The following NAT9 variants were observed in gnomAD, a reference collection of about 807,000 sequenced individuals.
NAT9 encodes alpha/beta-tubulin-N-acetyltransferase 9.
NAT9 carries 18 observed loss-of-function variants against 24.0 expected under a neutral mutation model. The ratio of observed to expected loss-of-function variants is 0.75; its 90% CI spans 0.52 to 1.11. The LOEUF is 1.11. Ranked by LOEUF, NAT9 falls within the 50% of genes most tolerant of loss-of-function variation. NAT9 has a pLI of 0.00. For synonymous variants in NAT9, 104 were observed against 102.3 expected, an observed-to-expected ratio of 1.02 and a Z score of -0.10; for missense variants, 254 against 258.6, an observed-to-expected ratio of 0.98 and a Z score of 0.12.
At position 74,775,663 on chromosome 17, in the gene NAT9, C is replaced by A. The variant is rs545925295; in HGVS notation, c.36G>T (p.Lys12Asn). The stretch of plus-strand genomic sequence containing the variant: ...AGGTGTAGGGTACAAGGACCACCTT[C>A]TTCCCCAGCAGCAAGGTGTTCTGAT... ...RLNQNTLLLG[K>N]KVVLVPYTSE... is the part of the protein sequence containing the mutation. Residue 12 changes from lysine to asparagine, a missense_variant, in exon 2 of 7, where the codon AAG (lysine) becomes AAT (asparagine). Transcript: ENST00000357814. 8.7e-6 allele frequency: 14 copies of A among 1,614,142 alleles called. No individual in the cohort carries two copies. The South Asian group carries it at 8.8e-5, about 10-fold the overall frequency.
intron 1 of NAT9, 83 bp from the exon 2 acceptor site, chr17:74,775,790 G>T (rs2035973336): frequency 1.8e-6 from 2 of 1,113,354 alleles, no homozygotes; most frequent in Non-Finnish European, 1.3e-6. Context: ...TTCCTGCTGG[G>T]GCTAAGTTGA....
At chr17:74,775,524 C>T in intron 2 of NAT9, 98 bp downstream of exon 2, 1 of 1,048,784 alleles carries the variant, frequency 9.5e-7, no homozygotes, top group Non-Finnish European at 1.4e-6. Context: ...TTTCTCACAA[C>T]CAATGTTTCT....
intron 1 of NAT9, chr17:74,775,927 G>C: frequency 2.2e-6 from 1 of 455,300 alleles, no homozygotes; most frequent in Middle Eastern, 5.7e-4. Context: ...GGCCAAGCCT[G>C]GGCTCCGTTT....
At chr17:74,773,277 C>T in intron 3 of NAT9, 1 of 599,812 alleles carries the variant, frequency 1.7e-6, no homozygotes, top group South Asian at 2.0e-5. Context: ...GGAGGGCAGT[C>T]ACCACACTAG....
intron 3 of NAT9, 179 bp from the exon 4 acceptor site, chr17:74,773,218 A>T: frequency 1.3e-6 from 1 of 783,562 alleles, no homozygotes. Flanking sequence ...TCATACAGAA[A>T]AAGCCTCTCC....
intron 3 of NAT9, 90 bp from the exon 4 acceptor site, chr17:74,773,129 C>A: frequency 6.9e-7 from 1 of 1,446,536 alleles, no homozygotes; most frequent in South Asian, 1.3e-5. Context: ...CACTGCAGAA[C>A]ACCAGCATCT....
intron 4 of NAT9, chr17:74,772,652 C>G (rs200546802): frequency 8.1e-7 from 1 of 1,235,924 alleles, no homozygotes; most frequent in East Asian, 2.7e-5. Context: ...ACTAACCATA[C>G]TTGAATCTAC....
At position 74,772,212 on chromosome 17, in the gene NAT9, T is replaced by C. The variant is rs904946009; in HGVS notation, c.394+6A>G. The C allele has an allele frequency of 3.1e-6, 5 of 1,614,100 alleles. No homozygotes were observed. Among genetic ancestry groups the C allele is most frequent in the Middle Eastern group, 1.6e-4 (1 of 6,084 alleles). On this transcript the variant is annotated splice_donor_region_variant and intron_variant, in intron 5 of 6. Coordinates refer to ENST00000357814, the MANE Select transcript of NAT9 (RefSeq NM_015654.5). The stretch of plus-strand genomic sequence containing the variant: ...CTTCCCGCATTGTCTGCTCACACTT[T>C]CTTACCGTAAGACAGCATCGCGAGA...
At position 74,775,899 on chromosome 17, in the gene NAT9, T is replaced by C. The variant is rs2035993396; in HGVS notation, c.-9-192A>G. The C allele has an allele frequency of 2.0e-5, 10 of 507,956 alleles. No individual in the cohort carries two copies. The South Asian group carries it at 2.9e-4, about 15-fold the overall frequency. The allele number at this position is 507,956 out of a possible 1,614,324, so 31.5% of individuals were successfully genotyped here. On this transcript the variant is annotated intron_variant, in intron 1 of 6. Transcript: ENST00000357814. ...CTGGTTAAGGATAATTAAACAATCC[T>C]TGACTCCCACTCCAAGAGGCCAAGC... is the stretch of plus-strand genomic sequence containing the variant.
intron 2 of NAT9, 49 bp from the exon 3 acceptor site, chr17:74,773,737 A>G: frequency 1.4e-6 from 2 of 1,476,458 alleles, no homozygotes; most frequent in Non-Finnish European, 1.9e-6. Flanking sequence ...TCAGAGGCAT[A>G]CGTCTGACAC....
rs200876501 is a variant in NAT9, at chr17:74,772,007, C to T, written c.442G>A (p.Gly148Arg). Residue 148 changes from glycine to arginine, a missense_variant, in exon 6 of 7, where the codon GGA (glycine) becomes AGA (arginine). Gly to Arg is a moderately radical substitution (Grantham distance 125, BLOSUM62 -2). Transcript: ENST00000357814. ...LTKFEAKIGQ[G>R]NEPSIRMFQK... is the part of the protein sequence containing the mutation. ...AACATCCGGATGCTTGGTTCATTTC[C>T]TTGCCCAATTTTAGCCTCAAACTTG... 13 of 1,614,244 alleles carry T rather than the reference C, an allele frequency of 8.1e-6. No individual in the cohort carries two copies. In the African/African-American group the frequency reaches 1.6e-4, roughly 20 times the overall value.
At position 74,771,297 on chromosome 17, in the gene NAT9, G is replaced by A. The variant is rs1054324965; in HGVS notation, c.*427C>T. ...TGGGGCTCGTGGTAGCTCTTCACAT[G>A]GACCAAACGGGAAAATCAGGAAAGC... is the stretch of plus-strand genomic sequence containing the variant. On this transcript the variant is annotated 3_prime_UTR_variant, in exon 7 of 7. Coordinates refer to ENST00000357814, the MANE Select transcript of NAT9 (RefSeq NM_015654.5). The A allele has an allele frequency of 5.1e-5, 11 of 214,682 alleles. No homozygotes were observed. The highest frequency in any genetic ancestry group is 1.1e-4 in the Non-Finnish European group (11 of 104,130). The allele number at this position is 214,682 out of a possible 1,614,324, so 13.3% of individuals were successfully genotyped here.
At position 74,771,663 on chromosome 17, in the gene NAT9, T is replaced by C; in HGVS notation, c.*61A>G. 6.2e-7 allele frequency: 1 copy of C among 1,603,174 alleles called. No homozygotes were observed. The highest frequency in any genetic ancestry group is 1.7e-5 in the Admixed American group (1 of 59,756). ...ACTCTCCCAGTGCAGGGCTCTGGTC[T>C]TTGAAGTGTATGGGCCCAACACCCT... On this transcript the variant is annotated 3_prime_UTR_variant, in exon 7 of 7. Transcript: ENST00000357814.
Position 74,773,636 on chromosome 17 carries a change from C to G in NAT9, c.130G>C (p.Glu44Gln). ...TACTCCTGCTCCAGGGTCAGCGGCT[C>G]CGAGGCTGTCAAACGCTGCAGCTCC... ...SEELQRLTAS[E>Q]PLTLEQEYAM... The change falls in exon 3 of 7, where the codon GAG becomes CAG. Residue 44 changes from glutamate (E) to glutamine (Q), a missense_variant. Glu to Gln is a conservative substitution (Grantham distance 29, BLOSUM62 2). Transcript: ENST00000357814. The G allele has an allele frequency of 6.2e-7, 1 of 1,614,168 alleles. No homozygotes were observed. Among genetic ancestry groups the G allele is most frequent in the Non-Finnish European group, 8.5e-7 (1 of 1,180,030 alleles).
chr17:74,770,802 G>A lies in NAT9; in HGVS notation c.*922C>T, dbSNP rs1329629596. On this transcript the variant is annotated 3_prime_UTR_variant, in exon 7 of 7. Transcript: ENST00000357814. ...GCAAGGAAGACTGTTAGGAGTCAGA[G>A]TGCTCCCCTCAGGTGGAAGGAAACT... is the stretch of plus-strand genomic sequence containing the variant. 3 of 152,352 alleles carry A rather than the reference G, an allele frequency of 2.0e-5. No homozygotes were observed. Among genetic ancestry groups the A allele is most frequent in the African/African-American group, 4.8e-5 (2 of 41,556 alleles). The allele number at this position is 152,352 out of a possible 1,614,324, so 9.4% of individuals were successfully genotyped here. A position where few individuals can be genotyped will look rare whatever the true frequency, so the allele number is the denominator to read the frequency against.
chr17:74,771,521 G>T lies in NAT9; in HGVS notation c.*203C>A. 1.3e-6 allele frequency: 1 copy of T among 783,954 alleles called. No individual in the cohort carries two copies. Among genetic ancestry groups the T allele is most frequent in the Non-Finnish European group, 2.0e-6 (1 of 506,498 alleles). 48.6% of individuals were successfully genotyped at this position (783,954 alleles called of 1,614,324 possible). On this transcript the variant is annotated 3_prime_UTR_variant, in exon 7 of 7. Coordinates refer to ENST00000357814, the MANE Select transcript of NAT9 (RefSeq NM_015654.5). ...TGGGTTTGGCCGGGAGGGGAGAAGG[G>T]AACTGGCCCTGGCCCTGGAGTCTGC... is the stretch of plus-strand genomic sequence containing the variant.
chr17:74,775,951 C>T, intron 1 of NAT9: 1 of 438,220 alleles, frequency 2.3e-6, no homozygotes, highest in Admixed American at 3.8e-5. Context: ...CCGGTTCCTT[C>T]CGTCCACTCC....
chr17:74,774,547 G>GTCTC (rs771885499), intron 2 of NAT9, among the ~76,000 whole-genome samples: 1 of 124,726 alleles, frequency 8.0e-6, no homozygotes, highest in Non-Finnish European at 1.6e-5. Flanking sequence ...GATCAGGCTG[G>GTCTC]TCTCTTTTTT....
At chr17:74,775,996 T>C (rs975387655) in intron 1 of NAT9, 3 of 319,070 alleles carry the variant, frequency 9.4e-6, no homozygotes, top group East Asian at 5.6e-5. Flanking sequence ...AAGCACCAAG[T>C]ACCAAGTACC....
Sources: gnomAD v4.1 joint callset for allele counts (sites outside exome capture counted in the v4.1 genomes callset) on GRCh38, gnomAD v4.1.1 for gene constraint, MANE v1.5 for transcripts, NCBI Gene and HGNC (gene_info 2026-07-23, HGNC 2026-07-21) for gene names.